GTF2I: variants seen among roughly 807,000 people sequenced by gnomAD.
GTF2I encodes the protein general transcription factor IIi.
GTF2I carries 12 observed loss-of-function variants against 67.6 expected under a neutral mutation model. The ratio of observed to expected loss-of-function variants is 0.18; its 90% CI spans 0.11 to 0.29. GTF2I has a LOEUF of 0.29. Among genes scored for constraint, GTF2I ranks in the 10% least tolerant of loss-of-function variants. The pLI, the probability that GTF2I is intolerant of heterozygous loss-of-function variation, is 1.00. For synonymous variants in GTF2I, 149 were observed against 197.0 expected, an observed-to-expected ratio of 0.76 and a Z score of 2.04; for missense variants, 271 against 580.1, an observed-to-expected ratio of 0.47 and a Z score of 5.47.
intron 8 of GTF2I, among the ~76,000 whole-genome samples, chr7:74,710,573 A>G (rs1562967386): frequency 6.6e-6 from 1 of 152,318 alleles, no homozygotes; most frequent in Middle Eastern, 3.4e-3. Flanking sequence ...GTACCCTTAC[A>G]CAAATCCCTG....
chr7:74,702,630 C>A (rs1789966405), intron 6 of GTF2I, among the ~76,000 whole-genome samples: 1 of 152,012 alleles, frequency 6.6e-6, no homozygotes, highest in African/African-American at 2.4e-5. Flanking sequence ...CAACTTACTT[C>A]TTGATTTTAG....
intron 2 of GTF2I, 75 bp from the exon 3 acceptor site, chr7:74,690,898 T>A (rs1349197269): frequency 7.1e-7 from 1 of 1,403,292 alleles, no homozygotes; most frequent in Admixed American, 2.2e-5. Context: ...TGTTGTTAGT[T>A]TTTTTAATTC....
chr7:74,658,346 A>ACGACAGTGGCACGCGCGCGC (rs1804116426), intron 1 of GTF2I, among the ~76,000 whole-genome samples: 2 of 144,882 alleles, frequency 1.4e-5, no homozygotes, highest in Admixed American at 6.8e-5. Flanking sequence ...GTCGCGGGGG[A>ACGACAGTGGCACGCGCGCGC]CGACAGTGGC....
chr7:74,666,164 T>C (rs1554388434), intron 1 of GTF2I, among the ~76,000 whole-genome samples: 1 of 152,204 alleles, frequency 6.6e-6, no homozygotes, highest in Non-Finnish European at 1.5e-5. Context: ...GTTGGATTGA[T>C]GAAACCTGAG....
Position 74,692,613 on chromosome 7 carries a change from C to A in GTF2I, c.238+1502C>A, listed in dbSNP as rs587726274. The stretch of plus-strand genomic sequence containing the variant: ...ATACCCACAGCCTTTCACAGTATGA[C>A]CATTTTCATATCTGTGTTTAACCTA... On this transcript the variant is annotated intron_variant, in intron 3 of 34. Coordinates refer to ENST00000573035, the MANE Select transcript of GTF2I (RefSeq NM_032999.4). Among the ~76,000 whole-genome samples, 3 of 152,214 alleles carry A rather than the reference C, an allele frequency of 2.0e-5. No individual in the cohort carries two copies. In the South Asian group the frequency reaches 6.2e-4, roughly 32 times the overall value.
chr7:74,725,264 G>A (rs1183485593), intron 12 of GTF2I, among the ~76,000 whole-genome samples: 1 of 152,182 alleles, frequency 6.6e-6, no homozygotes, highest in Non-Finnish European at 1.5e-5. Flanking sequence ...AATTGAGGAT[G>A]TGGTGAAGTT....
chr7:74,710,891 T>G (rs1554402380), intron 8 of GTF2I, 141 bp from the exon 9 acceptor site: 1 of 498,192 alleles, frequency 2.0e-6, no homozygotes. Context: ...CCTAGCAAAC[T>G]TTTGTCTTTT....
intron 3 of GTF2I, among the ~76,000 whole-genome samples, chr7:74,693,976 T>C (rs1165123451): frequency 6.6e-6 from 1 of 152,204 alleles, no homozygotes; most frequent in East Asian, 1.9e-4. Context: ...GAGGAAGGCA[T>C]GTCAGCAGCT....
intron 12 of GTF2I, among the ~76,000 whole-genome samples, chr7:74,721,464 C>T (rs1252941764): frequency 2.6e-5 from 4 of 152,138 alleles, no homozygotes; most frequent in Non-Finnish European, 4.4e-5. Context: ...AATACCAGGT[C>T]TGAGTAAAGT....
In GTF2I at chr7:74,668,559, A is replaced by ATATT. The variant is rs587731389; in HGVS notation, c.-6+10519_-6+10522dup. 8.4e-3 allele frequency among the ~76,000 whole-genome samples: 1,273 copies of ATATT among 151,124 alleles called. 9 individuals are homozygous for ATATT. The highest frequency in any genetic ancestry group is 0.014 in the East Asian group (70 of 5,146). On this transcript the variant is annotated intron_variant, in intron 1 of 34. Transcript: ENST00000573035. Reference sequence around the variant, plus strand: ...TTTCCATACACAGTCCTTAAAGATCATATTTATTTATTTATTTATTTATTT... The same window carrying ATATT: ...TTTCCATACACAGTCCTTAAAGATCATATTTATTTATTTATTTATTTATTTATTT...
At chr7:74,675,346 C>T (rs974263826) in intron 1 of GTF2I, among the ~76,000 whole-genome samples, 24 of 152,116 alleles carry the variant, frequency 1.6e-4, no homozygotes, top group Admixed American at 1.0e-3. Context: ...TTGGGTGGGA[C>T]GTGGTGTTTG....
At chr7:74,730,899 G>A (rs1251604270) in intron 14 of GTF2I, among the ~76,000 whole-genome samples, 82 of 137,008 alleles carry the variant, frequency 6.0e-4, no homozygotes, top group Middle Eastern at 3.5e-3. Flanking sequence ...TAGAGACAGG[G>A]TTTCACCATG....
At chr7:74,698,105 G>A (rs981089886) in intron 3 of GTF2I, among the ~76,000 whole-genome samples, 3 of 152,252 alleles carry the variant, frequency 2.0e-5, no homozygotes, top group African/African-American at 2.4e-5. Flanking sequence ...ACAGGCGCCC[G>A]CCACCACGCC....
chr7:74,712,926 G>C (rs1791799758), intron 9 of GTF2I, among the ~76,000 whole-genome samples: 1 of 152,014 alleles, frequency 6.6e-6, no homozygotes, highest in Admixed American at 6.6e-5. Context: ...TCCAAAATAG[G>C]CTTGGATATA....
chr7:74,732,780 A>G (rs1280362933), intron 15 of GTF2I, 118 bp downstream of exon 15: 1 of 1,334,988 alleles, frequency 7.5e-7, no homozygotes, highest in Non-Finnish European at 1.0e-6. Flanking sequence ...GAGTTATTTT[A>G]TGTATTTTTA....
chr7:74,706,485 T>C (rs781950326), intron 8 of GTF2I, 52 bp downstream of exon 8: 1 of 1,359,594 alleles, frequency 7.4e-7, no homozygotes, highest in Admixed American at 1.7e-5. Context: ...AGACTTTTCC[T>C]TAGTGTAGAA....
chr7:74,718,562 C>G (rs1056517103), intron 11 of GTF2I, among the ~76,000 whole-genome samples: 1 of 152,222 alleles, frequency 6.6e-6, no homozygotes, highest in Non-Finnish European at 1.5e-5. Flanking sequence ...ATCCGAGCAT[C>G]TTCTAGCTGT....
intron 1 of GTF2I, among the ~76,000 whole-genome samples, chr7:74,665,344 C>T (rs1024525608): frequency 1.3e-5 from 2 of 151,700 alleles, no homozygotes; most frequent in Non-Finnish European, 2.9e-5. Context: ...CCCTGCCTCT[C>T]GGGTTCGAGT....
intron 3 of GTF2I, among the ~76,000 whole-genome samples, chr7:74,693,350 A>G (rs1207001809): frequency 7.5e-6 from 1 of 134,160 alleles, no homozygotes; most frequent in Admixed American, 9.2e-5. Context: ...ATCTCGGCTC[A>G]CTGCATCCCC....
Sources: allele counts gnomAD v4.1 joint callset (sites outside exome capture counted in the v4.1 genomes callset), GRCh38; gene constraint gnomAD v4.1.1; transcripts MANE v1.5; gene names NCBI Gene and HGNC (gene_info 2026-07-23, HGNC 2026-07-21).